Variants in ZNF599 observed in about 807,000 individuals in gnomAD.
ZNF599 encodes the protein zinc finger protein 599.
A neutral mutation model predicts 11.7 loss-of-function variants in ZNF599; 10 were observed. The ratio of observed to expected loss-of-function variants is 0.86; its 90% CI spans 0.53 to 1.45. ZNF599 has a LOEUF of 1.45. ZNF599 is among the 40% of genes most tolerant of loss of function. The probability of loss-of-function intolerance (pLI) is 0.00; values close to 1 mark genes in which losing one functional copy is unlikely to be tolerated. For missense variants in ZNF599, 688 were observed against 713.6 expected (o/e 0.96, Z 0.41); for synonymous variants, 232 against 253.2 (o/e 0.92, Z 0.79).
chr19:34,763,716 T>G (rs1321623232), intron 3 of ZNF599: 3 of 152,188 alleles, frequency 2.0e-5, no homozygotes, highest in African/African-American at 7.2e-5. Flanking sequence ...TTTCTAAGAT[T>G]CACTTTCCTC....
chr19:34,791,476 G>T, the ZNF599 span, among the ~76,000 whole-genome samples: 1 of 152,188 alleles, frequency 6.6e-6, no homozygotes, highest in South Asian at 2.1e-4. Flanking sequence ...CCTTGTGCTG[G>T]GCTGCTGATA....
chr19:34,778,622 A>C, the ZNF599 span, among the ~76,000 whole-genome samples: 10 of 152,190 alleles, frequency 6.6e-5, no homozygotes, highest in Non-Finnish European at 1.3e-4. Flanking sequence ...TGAAAAATGT[A>C]ATGGAGAATA....
chr19:34,759,629 C>T lies in ZNF599; in HGVS notation c.1172G>A (p.Gly391Glu), dbSNP rs748561371. Residue 391 changes from glycine (G) to glutamate (E), a missense_variant, in exon 4 of 4, where the codon GGA (glycine) becomes GAA (glutamate). Coordinates refer to ENST00000329285, the MANE Select transcript of ZNF599 (RefSeq NM_001007248.3). ...SFTQHMRIHT[G>E]EKPYECGECG... ...TTCACCGCACTCATAGGGTTTCTCT[C>T]CAGTGTGAATCCTCATGTGCTGAGT... 1 of 1,614,114 alleles carries T rather than the reference C, an allele frequency of 6.2e-7. No homozygotes were observed.
At chr19:34,776,761 C>T (rs1008264587), upstream of ZNF599, among the ~76,000 whole-genome samples, 1 of 152,202 alleles carries the variant, frequency 6.6e-6, no homozygotes, top group African/African-American at 2.4e-5. Context: ...AGTGTTACAG[C>T]TCTGTGACTG....
At chr19:34,793,111 T>C in the ZNF599 span, among the ~76,000 whole-genome samples, 1 of 152,280 alleles carries the variant, frequency 6.6e-6, no homozygotes, top group East Asian at 1.9e-4. Flanking sequence ...GAAGTTACTG[T>C]AAGTGGGGAC....
chr19:34,772,032 G>T (rs533837004), intron 1 of ZNF599, among the ~76,000 whole-genome samples: 21 of 152,314 alleles, frequency 1.4e-4, no homozygotes, highest in African/African-American at 4.8e-4. Flanking sequence ...GAGGAAAAAT[G>T]AATAGACAAC....
the ZNF599 span, among the ~76,000 whole-genome samples, chr19:34,786,674 C>T: frequency 2.0e-5 from 3 of 152,072 alleles, no homozygotes; most frequent in African/African-American, 7.2e-5. Context: ...TTCCAGTTGG[C>T]CCTGGGAAAT....
In ZNF599 at chr19:34,760,543, G is replaced by C. The variant is rs2069106198; in HGVS notation, c.258C>G (p.Pro86=). The change falls in exon 4 of 4, where the codon CCC becomes CCG. Residue 86 remains proline, a synonymous_variant. Coordinates refer to ENST00000329285, the MANE Select transcript of ZNF599 (RefSeq NM_001007248.3). ...GAGAAGCAGTAGGCTCTGTAATCTT[G>C]GGTTTTGCTTTTTCACCTGAAGGAA... ...QSTCAGEKAK[P]KITEPTASQL... 2 of 1,597,668 alleles carry C rather than the reference G, an allele frequency of 1.3e-6. No homozygotes were observed. The highest frequency in any genetic ancestry group is 2.7e-5 in the African/African-American group (2 of 73,814).
upstream of ZNF599, among the ~76,000 whole-genome samples, chr19:34,774,325 G>A (rs2069206175): frequency 6.6e-6 from 1 of 152,144 alleles, no homozygotes; most frequent in African/African-American, 2.4e-5. Flanking sequence ...GCCAGAACCA[G>A]GCACAAACCA....
the ZNF599 span, among the ~76,000 whole-genome samples, chr19:34,786,670 T>C: frequency 6.6e-6 from 1 of 152,162 alleles, no homozygotes; most frequent in Non-Finnish European, 1.5e-5. Flanking sequence ...AGCATTCCAG[T>C]TGGCCCTGGG....
chr19:34,760,579 A>C lies in ZNF599; in HGVS notation c.242-20T>G. 6.4e-7 allele frequency: 1 copy of C among 1,567,852 alleles called. No homozygotes were observed. Among genetic ancestry groups the C allele is most frequent in the Non-Finnish European group, 8.6e-7 (1 of 1,162,110 alleles). On this transcript the variant is annotated intron_variant, in intron 3 of 3. Coordinates refer to ENST00000329285, the MANE Select transcript of ZNF599 (RefSeq NM_001007248.3). ...TTTCACCTGAAGGAAATCCAATATA[A>C]AAAAAACTGAACATTAGTGATGTCA...
the ZNF599 span, among the ~76,000 whole-genome samples, chr19:34,783,052 C>A: frequency 6.6e-6 from 1 of 152,222 alleles, no homozygotes; most frequent in Admixed American, 6.5e-5. Flanking sequence ...TGTGTCAGCC[C>A]ACATTGACAA....
chr19:34,801,401 C>T, the ZNF599 span, among the ~76,000 whole-genome samples: 1 of 152,202 alleles, frequency 6.6e-6, no homozygotes, highest in Non-Finnish European at 1.5e-5. Flanking sequence ...ATGTTCCCTG[C>T]ACTAATAAGG....
At chr19:34,780,225 T>C in the ZNF599 span, among the ~76,000 whole-genome samples, 2 of 152,124 alleles carry the variant, frequency 1.3e-5, no homozygotes, top group East Asian at 3.9e-4. Flanking sequence ...GTAGACCACA[T>C]GGCCAGGTGC....
chr19:34,767,550 C>T (rs1316995748), intron 2 of ZNF599, 139 bp from the exon 3 acceptor site: 2 of 579,390 alleles, frequency 3.5e-6, no homozygotes, highest in Non-Finnish European at 6.0e-6. Context: ...CAAAAGTATT[C>T]CCTAATTAAC....
At chr19:34,771,255 A>AAAAT (rs1385973126) in intron 1 of ZNF599, among the ~76,000 whole-genome samples, 1 of 152,196 alleles carries the variant, frequency 6.6e-6, no homozygotes, top group Admixed American at 6.5e-5. Context: ...TCTTTCAAAA[A>AAAAT]AAATAAATAA....
the ZNF599 span, among the ~76,000 whole-genome samples, chr19:34,799,835 T>C: frequency 6.6e-6 from 1 of 152,224 alleles, no homozygotes; most frequent in Admixed American, 6.5e-5. Context: ...AGAGCTGCTG[T>C]TATCTACTGA....
At chr19:34,774,738 G>A (rs748745954), upstream of ZNF599, among the ~76,000 whole-genome samples, 3 of 152,096 alleles carry the variant, frequency 2.0e-5, no homozygotes, top group Non-Finnish European at 2.9e-5. Context: ...ACTCTCACAT[G>A]CTTCTTAATG....
the ZNF599 span, among the ~76,000 whole-genome samples, chr19:34,789,946 G>T: frequency 1.3e-5 from 2 of 152,098 alleles, no homozygotes; most frequent in Non-Finnish European, 2.9e-5. Context: ...CATGGAGCAT[G>T]TCCTCTACAT....
Sources: allele counts gnomAD v4.1 joint callset (sites outside exome capture counted in the v4.1 genomes callset), GRCh38; gene constraint gnomAD v4.1.1; transcripts MANE v1.5; gene names NCBI Gene and HGNC (gene_info 2026-07-23, HGNC 2026-07-21).